AGK: variants seen among roughly 807,000 people sequenced by gnomAD.
The protein encoded by AGK is acylglycerol kinase, mitochondrial.
Under a neutral mutation model 66.4 loss-of-function variants are expected in AGK, and 52 were observed. The observed-to-expected ratio is 0.78, with a 90% CI of 0.63 to 0.99. AGK has a LOEUF of 0.99. Among genes scored for constraint, AGK ranks in the 50% least tolerant of loss-of-function variants. The probability of loss-of-function intolerance (pLI) is 0.00; values close to 1 mark genes in which losing one functional copy is unlikely to be tolerated. For synonymous variants in AGK, 182 were observed against 181.1 expected (o/e 1.00, Z -0.04); for missense variants, 451 against 506.6 (o/e 0.89, Z 1.05).
rs186803605 is a variant in AGK, at chr7:141,586,475, A to T, written c.102-6671A>T. Among the ~76,000 whole-genome samples the T allele has an allele frequency of 1.8e-3, 273 of 152,318 alleles. 1 individual carries two copies. The highest frequency in any genetic ancestry group is 4.3e-3 in the Admixed American group (66 of 15,296). On this transcript the variant is annotated intron_variant, in intron 2 of 15. Coordinates refer to ENST00000649286, the MANE Select transcript of AGK (RefSeq NM_018238.4). ...CAAACATTTGCCACTTATTTATTAA[A>T]CAAGTATTTACCAAGTACCCTCTAT...
intron 2 of AGK, among the ~76,000 whole-genome samples, chr7:141,561,238 C>T (rs1795344171): frequency 6.6e-6 from 1 of 152,170 alleles, no homozygotes; most frequent in Non-Finnish European, 1.5e-5. Flanking sequence ...CATGCATATG[C>T]AAGTGTCTTT....
Position 141,653,752 on chromosome 7 carries a change from T to G in AGK, c.*828T>G, listed in dbSNP as rs544170350. 5 of 152,368 alleles carry G rather than the reference T, an allele frequency of 3.3e-5. No homozygotes were observed. In the East Asian group the frequency reaches 9.6e-4, roughly 29 times the overall value. 9.4% of individuals were successfully genotyped at this position (152,368 alleles called of 1,614,324 possible). On this transcript the variant is annotated 3_prime_UTR_variant, in exon 16 of 16. Coordinates refer to ENST00000649286, the MANE Select transcript of AGK (RefSeq NM_018238.4). ...CCCAAAAGTATTTTGAAAAATCATGTATACCCTCACCCATCTAAGTTGATA... is the reference window on the plus strand; with the variant it reads ...CCCAAAAGTATTTTGAAAAATCATGGATACCCTCACCCATCTAAGTTGATA...
At chr7:141,591,559 G>A (rs766241944) in intron 2 of AGK, among the ~76,000 whole-genome samples, 3 of 152,114 alleles carry the variant, frequency 2.0e-5, no homozygotes, top group Admixed American at 6.6e-5. Flanking sequence ...AGCAAAGCTT[G>A]CTTATTGTTT....
At chr7:141,577,905 C>T (rs1378248314) in intron 2 of AGK, among the ~76,000 whole-genome samples, 1 of 151,656 alleles carries the variant, frequency 6.6e-6, no homozygotes, top group African/African-American at 2.4e-5. Context: ...TGCAACCTCC[C>T]AGGTTCAAGC....
At position 141,649,029 on chromosome 7, in the gene AGK, T is replaced by TA. The variant is rs111790655; in HGVS notation, c.976-224dup. Reference sequence around the variant, plus strand: ...CTCTGAGTTTTGTTTGCTTATGTAGTAAAAAAAAAAGCCAAGCAATGGAGA... The same window carrying TA: ...CTCTGAGTTTTGTTTGCTTATGTAGTAAAAAAAAAAAGCCAAGCAATGGAGA... On this transcript the variant is annotated intron_variant, in intron 13 of 15. Transcript: ENST00000649286. The TA allele has an allele frequency of 0.019, 5,621 of 300,368 alleles. 26 individuals are homozygous for TA. Among genetic ancestry groups the TA allele is most frequent in the African/African-American group, 0.035 (1,188 of 34,270 alleles). 18.6% of individuals were successfully genotyped at this position (300,368 alleles called of 1,614,324 possible). A position where few individuals can be genotyped will look rare whatever the true frequency, so the allele number is the denominator to read the frequency against.
At chr7:141,631,073 G>A (rs554271433) in intron 9 of AGK, among the ~76,000 whole-genome samples, 2 of 151,884 alleles carry the variant, frequency 1.3e-5, no homozygotes, top group Non-Finnish European at 2.9e-5. Flanking sequence ...TTCCAGTGAG[G>A]GTAGGAATAT....
intron 1 of AGK, among the ~76,000 whole-genome samples, chr7:141,554,926 G>A (rs934638562): frequency 1.1e-4 from 17 of 152,120 alleles, no homozygotes; most frequent in African/African-American, 4.1e-4. Flanking sequence ...CATGTACATT[G>A]CCTCTTCATT....
intron 12 of AGK, 131 bp downstream of exon 12, chr7:141,641,529 CTTCT>C: frequency 1.9e-6 from 2 of 1,069,534 alleles, no homozygotes; most frequent in Non-Finnish European, 2.7e-6. Flanking sequence ...TGAATTCATC[CTTCT>C]GTGTGCCACC....
chr7:141,632,475 G>C (rs1007221613), intron 9 of AGK, among the ~76,000 whole-genome samples: 1 of 152,066 alleles, frequency 6.6e-6, no homozygotes, highest in Non-Finnish European at 1.5e-5. Context: ...TCCCCATGGC[G>C]TACATAGTTT....
chr7:141,647,955 G>A (rs1273248423), intron 13 of AGK, among the ~76,000 whole-genome samples: 1 of 152,222 alleles, frequency 6.6e-6, no homozygotes, highest in East Asian at 1.9e-4. Flanking sequence ...ACAGGCGTGA[G>A]CCACCGCGCC....
chr7:141,644,852 C>G (rs1055651937), intron 13 of AGK, among the ~76,000 whole-genome samples: 1 of 151,970 alleles, frequency 6.6e-6, no homozygotes, highest in Non-Finnish European at 1.5e-5. Flanking sequence ...CTCCATTTTC[C>G]CCCATTGATC....
chr7:141,618,464 A>T (rs905657916), intron 8 of AGK, among the ~76,000 whole-genome samples: 3 of 152,210 alleles, frequency 2.0e-5, no homozygotes, highest in Non-Finnish European at 4.4e-5. Flanking sequence ...CGTAAGTGTA[A>T]TTATGCCTAG....
At position 141,609,971 on chromosome 7, in the gene AGK, GTTTT is replaced by G. The variant is rs532318470; in HGVS notation, c.298-1215_298-1212del. 1.6e-3 allele frequency among the ~76,000 whole-genome samples: 226 copies of G among 143,850 alleles called. 1 individual carries two copies. The highest frequency in any genetic ancestry group is 2.9e-3 in the Non-Finnish European group (189 of 65,248). 94.4% of individuals were successfully genotyped at this position (143,850 alleles called of 152,430 possible). A position where few individuals can be genotyped will look rare whatever the true frequency, so the allele number is the denominator to read the frequency against. On this transcript the variant is annotated intron_variant, in intron 5 of 15. Coordinates refer to ENST00000649286, the MANE Select transcript of AGK (RefSeq NM_018238.4). ...TGTACGTATGTATGGGTTTTTTTTT[GTTTT>G]TTTTTTTTCCTGAGACAGAGTCTTG... is the stretch of plus-strand genomic sequence containing the variant.
rs1053369530 is a variant in AGK, at chr7:141,555,799, A to G, written c.101+232A>G. Among the ~76,000 whole-genome samples the G allele has an allele frequency of 1.3e-5, 2 of 152,228 alleles. No homozygotes were observed. Among genetic ancestry groups the G allele is most frequent in the African/African-American group, 4.8e-5 (2 of 41,468 alleles). ...AAGTAGAGACATCAGAAAGGAAGCT[A>G]TTTTTATTCATTATATTTATAGTGG... On this transcript the variant is annotated intron_variant, in intron 2 of 15. Coordinates refer to ENST00000649286, the MANE Select transcript of AGK (RefSeq NM_018238.4). The surrounding 1 kb of genome is among the most constrained non-coding windows in gnomAD (Gnocchi z 4.2).
intron 9 of AGK, among the ~76,000 whole-genome samples, chr7:141,626,934 T>C (rs1796950414): frequency 6.6e-6 from 1 of 152,232 alleles, no homozygotes; most frequent in Non-Finnish European, 1.5e-5. Context: ...GTGTATGTTC[T>C]TGTTCTTAGG....
chr7:141,558,802 T>C (rs992840510), intron 2 of AGK, among the ~76,000 whole-genome samples: 1 of 152,226 alleles, frequency 6.6e-6, no homozygotes, highest in African/African-American at 2.4e-5. Flanking sequence ...ATTTTCTGTT[T>C]CTTTGATATG....
intron 2 of AGK, among the ~76,000 whole-genome samples, chr7:141,573,096 G>T (rs1795648897): frequency 6.6e-6 from 1 of 152,130 alleles, no homozygotes; most frequent in African/African-American, 2.4e-5. Flanking sequence ...GACATTTGAA[G>T]AAAGCAGTTT....
At position 141,555,096 on chromosome 7, in the gene AGK, A is replaced by T. The variant is rs564716818; in HGVS notation, c.-14-357A>T. Among the ~76,000 whole-genome samples the T allele has an allele frequency of 6.6e-6, 1 of 152,092 alleles. No individual in the cohort carries two copies. Among genetic ancestry groups the T allele is most frequent in the East Asian group, 1.9e-4 (1 of 5,188 alleles). On this transcript the variant is annotated intron_variant, in intron 1 of 15. Coordinates refer to ENST00000649286, the MANE Select transcript of AGK (RefSeq NM_018238.4). This position sits in a 1 kb window ranked among gnomAD's most constrained non-coding sequence, Gnocchi z 4.2. ...ACAGTGGTACAGTGAGGCTGTAAGG[A>T]GTTAGAAAAACCAGAGGAAGCCTGG...
intron 9 of AGK, among the ~76,000 whole-genome samples, chr7:141,625,456 C>T (rs1410031252): frequency 1.3e-5 from 2 of 152,074 alleles, no homozygotes; most frequent in Non-Finnish European, 2.9e-5. Context: ...CTCAAGGGAT[C>T]TTCCTGCTTC....
Sources: allele counts gnomAD v4.1 joint callset (sites outside exome capture counted in the v4.1 genomes callset), GRCh38; gene constraint gnomAD v4.1.1; non-coding constraint Gnocchi (gnomAD v3.1); transcripts MANE v1.5; gene names NCBI Gene and HGNC (gene_info 2026-07-23, HGNC 2026-07-21).